The following MYO1E variants were observed in gnomAD, a reference collection of about 807,000 sequenced individuals.
MYO1E encodes unconventional myosin-Ie.
A neutral mutation model predicts 151.1 loss-of-function variants in MYO1E; 68 were observed. The ratio of observed to expected loss-of-function variants is 0.45; its 90% CI spans 0.37 to 0.55. MYO1E has a LOEUF of 0.55. Among genes scored for constraint, MYO1E ranks in the 20% least tolerant of loss-of-function variants. The probability of loss-of-function intolerance (pLI) is 0.00; values close to 1 mark genes in which losing one functional copy is unlikely to be tolerated. For synonymous variants in MYO1E, 601 were observed against 501.7 expected (o/e 1.20, Z -2.64); for missense variants, 1,363 against 1,389.3 (o/e 0.98, Z 0.30).
chr15:59,153,539 A>C, intron 26 of MYO1E, 51 bp downstream of exon 26: 2 of 1,578,402 alleles, frequency 1.3e-6, no homozygotes, highest in Non-Finnish European at 1.7e-6. Context: ...CTTGTTTTGA[A>C]TGATGGAGAT....
At chr15:59,204,466 T>C (rs1172451666) in intron 15 of MYO1E, among the ~76,000 whole-genome samples, 2 of 152,232 alleles carry the variant, frequency 1.3e-5, no homozygotes. Context: ...GGGCAGCTCT[T>C]ACTTGAAAGA....
chr15:59,196,824 C>T (rs947343299), intron 16 of MYO1E, among the ~76,000 whole-genome samples: 19 of 152,066 alleles, frequency 1.2e-4, no homozygotes, highest in African/African-American at 3.6e-4. Flanking sequence ...ATGATGCAGA[C>T]TGCACTTGAG....
chr15:59,372,365 G>A (rs754045688), intron 1 of MYO1E, 133 bp downstream of exon 1: 6 of 1,110,802 alleles, frequency 5.4e-6, no homozygotes, highest in Non-Finnish European at 7.9e-6. Flanking sequence ...ATCAGAGCTC[G>A]CGACGTGCCG....
intron 1 of MYO1E, among the ~76,000 whole-genome samples, chr15:59,346,879 T>C (rs1286093109): frequency 2.6e-5 from 4 of 151,618 alleles, no homozygotes; most frequent in Non-Finnish European, 4.4e-5. Flanking sequence ...ATCATGCCAC[T>C]GCATTCCAGC....
intron 4 of MYO1E, among the ~76,000 whole-genome samples, chr15:59,240,847 T>C (rs113168280): frequency 0.012 from 1,795 of 152,346 alleles, 28 homozygotes; most frequent in African/African-American, 0.041. Context: ...TCTACTTTTG[T>C]TCATGCAACA....
intron 14 of MYO1E, chr15:59,206,860 G>A (rs2079837965): frequency 6.3e-6 from 9 of 1,438,870 alleles, no homozygotes; most frequent in South Asian, 1.4e-5. Context: ...TGAAGGTCCT[G>A]CCAACGGCTC....
intron 18 of MYO1E, among the ~76,000 whole-genome samples, chr15:59,185,876 C>T (rs139317628): frequency 1.3e-5 from 2 of 152,268 alleles, no homozygotes; most frequent in East Asian, 3.9e-4. Flanking sequence ...GCCAAGAAGG[C>T]TGCTAAACAT....
At chr15:59,176,352 G>A (rs1308340836) in intron 19 of MYO1E, among the ~76,000 whole-genome samples, 1 of 152,136 alleles carries the variant, frequency 6.6e-6, no homozygotes, top group African/African-American at 2.4e-5. Context: ...GAGCCACTGC[G>A]CGCGGTTATG....
rs564020406 is a variant in MYO1E at position 59,159,630 on chromosome 15, C to T, written c.2786-1251G>A. ...TGGGTCCCTACTTTGTTCCCTAAAC[C>T]CCGTCCACATCTTTTCACTGAAAAA... On this transcript the variant is annotated intron_variant, in intron 24 of 27. Transcript: ENST00000288235. This position sits in a 1 kb window ranked among gnomAD's most constrained non-coding sequence, Gnocchi z 4.4. 6.6e-6 allele frequency among the ~76,000 whole-genome samples: 1 copy of T among 152,316 alleles called. No homozygotes were observed. Among genetic ancestry groups the T allele is most frequent in the Admixed American group, 6.5e-5 (1 of 15,300 alleles).
At chr15:59,196,977 T>C (rs557237163) in intron 16 of MYO1E, among the ~76,000 whole-genome samples, 10 of 143,858 alleles carry the variant, frequency 7.0e-5, no homozygotes, top group African/African-American at 2.0e-4. Flanking sequence ...GTTTTGTATT[T>C]AATTACGACT....
intron 18 of MYO1E, among the ~76,000 whole-genome samples, chr15:59,181,290 T>G (rs2079657052): frequency 6.6e-6 from 1 of 152,226 alleles, no homozygotes; most frequent in Non-Finnish European, 1.5e-5. Context: ...CAAGATAGAC[T>G]TTGCAAATCT....
intron 2 of MYO1E, among the ~76,000 whole-genome samples, chr15:59,268,055 T>C (rs1874445435): frequency 6.6e-6 from 1 of 152,152 alleles, no homozygotes; most frequent in Non-Finnish European, 1.5e-5. Flanking sequence ...AAGTGAGCAA[T>C]TTTATAACTC....
chr15:59,177,554 C>G (rs746011980), intron 19 of MYO1E, among the ~76,000 whole-genome samples: 2 of 152,122 alleles, frequency 1.3e-5, no homozygotes, highest in Non-Finnish European at 1.5e-5. Context: ...GTTAAGGGAG[C>G]CTTGAGAAAC....
At chr15:59,214,557 T>G (rs2079901798) in intron 11 of MYO1E, 83 bp downstream of exon 11, 2 of 1,321,198 alleles carry the variant, frequency 1.5e-6, no homozygotes, top group South Asian at 2.4e-5. Context: ...TTTTTTTGTT[T>G]TTGCATTGCC....
chr15:59,307,293 C>G (rs2080520267), intron 1 of MYO1E, among the ~76,000 whole-genome samples: 1 of 152,134 alleles, frequency 6.6e-6, no homozygotes, highest in Non-Finnish European at 1.5e-5. Flanking sequence ...TCACCAGATC[C>G]CTCAGCAGCT....
chr15:59,219,698 C>A (rs1318195615), intron 9 of MYO1E, among the ~76,000 whole-genome samples: 1 of 152,184 alleles, frequency 6.6e-6, no homozygotes, highest in Non-Finnish European at 1.5e-5. Context: ...TGGCCATTAT[C>A]CTTAGTTTAG....
Position 59,132,559 on chromosome 15 carries a change from C to G in MYO1E, c.*4821G>C, listed in dbSNP as rs1184402925. ...TAGATGGCACAGCAGGCACCCCAAA[C>G]TAAAATGTCATAAATGGGAAATGAG... On this transcript the variant is annotated 3_prime_UTR_variant, in exon 28 of 28. Transcript: ENST00000288235. The G allele has an allele frequency of 6.6e-6, 1 of 152,156 alleles. No homozygotes were observed. The highest frequency in any genetic ancestry group is 2.4e-5 in the African/African-American group (1 of 41,428). 9.4% of individuals were successfully genotyped at this position (152,156 alleles called of 1,614,324 possible). A position where few individuals can be genotyped will look rare whatever the true frequency, so the allele number is the denominator to read the frequency against.
At position 59,158,417 on chromosome 15, in the gene MYO1E, G is replaced by C. The variant is rs150522349; in HGVS notation, c.2786-38C>G. On this transcript the variant is annotated intron_variant, in intron 24 of 27. Coordinates refer to ENST00000288235, the MANE Select transcript of MYO1E (RefSeq NM_004998.4). ...AGACAAAGTTAAAACCAGTGCTACT[G>C]GTTGGTTTTATGGATCCTCATGGTT... The C allele has an allele frequency of 6.6e-5, 100 of 1,504,296 alleles. No individual in the cohort carries two copies. In the African/African-American group the frequency reaches 1.3e-3, roughly 20 times the overall value. The allele number at this position is 1,504,296 out of a possible 1,614,324, so 93.2% of individuals were successfully genotyped here.
intron 1 of MYO1E, among the ~76,000 whole-genome samples, chr15:59,357,020 C>A (rs2080857653): frequency 6.6e-6 from 1 of 152,068 alleles, no homozygotes; most frequent in Non-Finnish European, 1.5e-5. Context: ...ATTCTCCTGC[C>A]TCAGCCTCTC....
Sources: allele counts gnomAD v4.1 joint callset (sites outside exome capture counted in the v4.1 genomes callset), GRCh38; gene constraint gnomAD v4.1.1; non-coding constraint Gnocchi (gnomAD v3.1); transcripts MANE v1.5; gene names NCBI Gene and HGNC (gene_info 2026-07-23, HGNC 2026-07-21).